Variants in MAP3K5 observed in about 807,000 individuals in gnomAD.
The protein encoded by MAP3K5 is mitogen-activated protein kinase kinase kinase 5.
A neutral mutation model predicts 158.7 loss-of-function variants in MAP3K5; 56 were observed. That is an observed-to-expected ratio of 0.35 (90% confidence interval 0.28 to 0.44). The LOEUF (loss-of-function observed/expected upper bound fraction) is 0.44. Among genes scored for constraint, MAP3K5 ranks in the 20% least tolerant of loss-of-function variants. The pLI, the probability that MAP3K5 is intolerant of heterozygous loss-of-function variation, is 1.00. For missense variants in MAP3K5, 1,294 were observed against 1,674.8 expected, an observed-to-expected ratio of 0.77 and a Z score of 3.97; for synonymous variants, 579 against 601.7, an observed-to-expected ratio of 0.96 and a Z score of 0.55.
intron 1 of MAP3K5, among the ~76,000 whole-genome samples, chr6:136,790,492 A>G (rs1785028725): frequency 6.6e-6 from 1 of 152,254 alleles, no homozygotes; most frequent in South Asian, 2.1e-4. Flanking sequence ...ATGCTCAGTT[A>G]TGAAGACCAA....
chr6:136,753,878 A>G (rs1482906329), intron 1 of MAP3K5, among the ~76,000 whole-genome samples: 1 of 152,222 alleles, frequency 6.6e-6, no homozygotes, highest in Non-Finnish European at 1.5e-5. Flanking sequence ...AAGTAAAGGG[A>G]GAACGCAGCC....
chr6:136,738,940 GTGCA>G (rs915508717), intron 1 of MAP3K5, among the ~76,000 whole-genome samples: 3 of 109,916 alleles, frequency 2.7e-5, no homozygotes, highest in African/African-American at 1.3e-4. Flanking sequence ...ACACACACGC[GTGCA>G]CACACACACA....
intron 25 of MAP3K5, among the ~76,000 whole-genome samples, chr6:136,574,774 CA>C (rs1774529297): frequency 6.7e-6 from 1 of 150,274 alleles, no homozygotes; most frequent in Non-Finnish European, 1.5e-5. Context: ...CTGCAGGCTC[CA>C]CCCCCTGGGG....
chr6:136,642,662 A>T, intron 11 of MAP3K5, 93 bp from the exon 12 acceptor site: 4 of 840,622 alleles, frequency 4.8e-6, no homozygotes, highest in Non-Finnish European at 7.9e-6. Flanking sequence ...AGTGATATAC[A>T]CAGCCATTTT....
chr6:136,557,926 TC>T (rs1457498571), intron 29 of MAP3K5, 108 bp from the exon 30 acceptor site: 2 of 768,084 alleles, frequency 2.6e-6, no homozygotes, highest in African/African-American at 3.5e-5. Context: ...CAGAAGAAGA[TC>T]CCAAAGTCTG....
At chr6:136,750,804 G>C (rs751718184) in intron 1 of MAP3K5, among the ~76,000 whole-genome samples, 2 of 152,174 alleles carry the variant, frequency 1.3e-5, no homozygotes, top group African/African-American at 2.4e-5. Context: ...GTCCTGCAGT[G>C]TGTTTACACA....
chr6:136,649,014 G>C (rs959353720), intron 11 of MAP3K5, among the ~76,000 whole-genome samples: 1 of 152,178 alleles, frequency 6.6e-6, no homozygotes, highest in African/African-American at 2.4e-5. Flanking sequence ...CTGTCGCCCA[G>C]GCTGGAGTGC....
At chr6:136,567,609 C>T (rs1390428196) in intron 26 of MAP3K5, 22 bp downstream of exon 26, 5 of 1,589,506 alleles carry the variant, frequency 3.1e-6, no homozygotes, top group Middle Eastern at 1.7e-4. Flanking sequence ...AAGAAACCAA[C>T]CCACGTCAGT....
intron 1 of MAP3K5, among the ~76,000 whole-genome samples, chr6:136,740,010 G>A (rs77687079): frequency 0.034 from 5,178 of 152,166 alleles, 281 homozygotes; most frequent in African/African-American, 0.12. Context: ...GCTTGGCCCC[G>A]GGGCTTCCAC....
intron 1 of MAP3K5, among the ~76,000 whole-genome samples, chr6:136,748,958 T>A (rs1259683786): frequency 6.6e-6 from 1 of 152,248 alleles, no homozygotes; most frequent in South Asian, 2.1e-4. Context: ...CAGTTATAGA[T>A]AAATTCCTGA....
chr6:136,652,434 G>A (rs2114409635), intron 10 of MAP3K5, among the ~76,000 whole-genome samples: 1 of 152,256 alleles, frequency 6.6e-6, no homozygotes, highest in Non-Finnish European at 1.5e-5. Flanking sequence ...AACTCACCCA[G>A]TGAATCAAAA....
intron 7 of MAP3K5, among the ~76,000 whole-genome samples, chr6:136,688,758 T>C (rs1562614790): frequency 6.6e-6 from 1 of 152,242 alleles, no homozygotes; most frequent in Non-Finnish European, 1.5e-5. Flanking sequence ...ATTTTATCCT[T>C]GTACACAATG....
chr6:136,651,890 T>A (rs921833370), intron 10 of MAP3K5, among the ~76,000 whole-genome samples: 7 of 152,132 alleles, frequency 4.6e-5, no homozygotes, highest in Non-Finnish European at 8.8e-5. Context: ...GGTGCTATGA[T>A]TCATTATCTA....
chr6:136,777,225 C>G (rs535432664), intron 1 of MAP3K5, among the ~76,000 whole-genome samples: 3 of 152,208 alleles, frequency 2.0e-5, no homozygotes, highest in African/African-American at 4.8e-5. Flanking sequence ...AATATACACA[C>G]GCTAAGAGAT....
chr6:136,756,650 C>A (rs1562678216), intron 1 of MAP3K5, among the ~76,000 whole-genome samples: 1 of 152,150 alleles, frequency 6.6e-6, no homozygotes, highest in Admixed American at 6.5e-5. Context: ...GAGTGGTCAG[C>A]CCCTTTACCC....
At chr6:136,579,188 T>C (rs1191418770) in intron 25 of MAP3K5, among the ~76,000 whole-genome samples, 1 of 152,178 alleles carries the variant, frequency 6.6e-6, no homozygotes, top group East Asian at 1.9e-4. Context: ...TCAACTGCTC[T>C]TTCTTTCTAC....
chr6:136,727,259 T>C lies in MAP3K5; in HGVS notation c.449-6670A>G, dbSNP rs149954125. ...ATTTATAGGAGGAACAGTTTATCCA[T>C]TTCATTTTATAAACATATATTCAGT... On this transcript the variant is annotated intron_variant, in intron 1 of 29. Transcript: ENST00000359015. Among the ~76,000 whole-genome samples, 75 of 152,370 alleles carry C rather than the reference T, an allele frequency of 4.9e-4. 1 individual carries two copies. The East Asian group carries it at 0.013, about 26-fold the overall frequency.
In MAP3K5 at chr6:136,566,211, C is replaced by T. The variant is rs151185073; in HGVS notation, c.3761+1420G>A. 8.5e-5 allele frequency among the ~76,000 whole-genome samples: 13 copies of T among 152,292 alleles called. No homozygotes were observed. The East Asian group carries it at 2.5e-3, about 29-fold the overall frequency. ...AGGAAAAGGACTTGTGTCTAGGCTG[C>T]ATTAGGAGAGGCAGGTCCTATTGAC... On this transcript the variant is annotated intron_variant, in intron 26 of 29. Transcript: ENST00000359015.
intron 2 of MAP3K5, among the ~76,000 whole-genome samples, chr6:136,713,272 G>A (rs1307454467): frequency 6.6e-6 from 1 of 152,140 alleles, no homozygotes; most frequent in Admixed American, 6.5e-5. Context: ...AAAAATAGCT[G>A]GTGCCCACAG....
Sources: gnomAD v4.1 joint callset for allele counts (sites outside exome capture counted in the v4.1 genomes callset) on GRCh38, gnomAD v4.1.1 for gene constraint, MANE v1.5 for transcripts, NCBI Gene and HGNC (gene_info 2026-07-23, HGNC 2026-07-21) for gene names.